UGDH: variants seen among roughly 807,000 people sequenced by gnomAD.
The protein encoded by UGDH is UDP-Glc dehydrogenase.
UGDH carries 38 observed loss-of-function variants against 50.6 expected under a neutral mutation model. The ratio of observed to expected loss-of-function variants is 0.75; its 90% CI spans 0.58 to 0.98. The LOEUF (loss-of-function observed/expected upper bound fraction) is 0.98. Ranked by LOEUF, UGDH falls within the 50% of genes least tolerant of loss-of-function variation. The pLI is 0.00. For synonymous variants in UGDH, 168 were observed against 199.9 expected, an observed-to-expected ratio of 0.84 and a Z score of 1.35; for missense variants, 465 against 606.2, an observed-to-expected ratio of 0.77 and a Z score of 2.45.
intron 3 of UGDH, among the ~76,000 whole-genome samples, chr4:39,511,825 T>C (rs1746258018): frequency 2.0e-5 from 3 of 151,114 alleles, no homozygotes; most frequent in African/African-American, 7.3e-5. Flanking sequence ...TTCTCCTGCC[T>C]CAGCCTCCTG....
At chr4:39,505,928 C>T (rs1237057067) in intron 7 of UGDH, among the ~76,000 whole-genome samples, 180 bp from the exon 8 acceptor site, 2 of 151,670 alleles carry the variant, frequency 1.3e-5, no homozygotes, top group African/African-American at 2.4e-5. Flanking sequence ...AATCACTCAT[C>T]CCCTTCCTTA....
chr4:39,508,574 A>T lies in UGDH; in HGVS notation c.898T>A (p.Trp300Arg). 1 of 1,611,448 alleles carries T rather than the reference A, an allele frequency of 6.2e-7. No individual in the cohort carries two copies. The highest frequency in any genetic ancestry group is 8.5e-7 in the Non-Finnish European group (1 of 1,179,204). Residue 300 changes from tryptophan (W) to arginine (R), a missense_variant, in exon 7 of 12, where the codon TGG becomes AGG. Transcript: ENST00000316423. ...ALNLPEVARY[W>R]QQVIDMNDYQ... ...CCTATAGAGATTAATACCTGCTGCC[A>T]ATAACGAGCTACTTCTGGCAAATTC...
At chr4:39,522,122 A>C (rs1284950514) in intron 1 of UGDH, among the ~76,000 whole-genome samples, 2 of 152,224 alleles carry the variant, frequency 1.3e-5, no homozygotes, top group Non-Finnish European at 2.9e-5. Context: ...GTTAAAGAAA[A>C]TGTAATTTCT....
Position 39,502,304 on chromosome 4 carries a change from A to G in UGDH, c.1374+1571T>C, listed in dbSNP as rs541596649. On this transcript the variant is annotated intron_variant, in intron 11 of 11. Coordinates refer to ENST00000316423, the MANE Select transcript of UGDH (RefSeq NM_003359.4). The stretch of plus-strand genomic sequence containing the variant: ...GTCTTGGATGGAAGAGTTCACAGAC[A>G]AGGATGCCATTTGATTCTTTCCACA... Among the ~76,000 whole-genome samples, 8 of 152,368 alleles carry G rather than the reference A, an allele frequency of 5.3e-5. No homozygotes were observed. In the East Asian group the frequency reaches 1.5e-3, roughly 29 times the overall value.
intron 3 of UGDH, among the ~76,000 whole-genome samples, chr4:39,512,386 G>T (rs1746278697): frequency 6.6e-6 from 1 of 152,150 alleles, no homozygotes; most frequent in East Asian, 1.9e-4. Context: ...TTGTTTACAT[G>T]CATGGAACAA....
intron 7 of UGDH, among the ~76,000 whole-genome samples, 156 bp from the exon 8 acceptor site, chr4:39,505,904 T>TAA (rs11290546): frequency 0.071 from 10,249 of 144,326 alleles, 411 homozygotes; most frequent in Middle Eastern, 0.16. Flanking sequence ...GCCTATGGAT[T>TAA]AAAAAAAAAA....
intron 2 of UGDH, among the ~76,000 whole-genome samples, chr4:39,515,806 T>C (rs1746418598): frequency 6.6e-6 from 1 of 152,134 alleles, no homozygotes; most frequent in Non-Finnish European, 1.5e-5. Flanking sequence ...TTCAAGTGAT[T>C]CTCGTGCCGC....
In UGDH at chr4:39,500,240, C is replaced by A; in HGVS notation, c.1388G>T (p.Gly463Val). 1 of 1,584,540 alleles carries A rather than the reference C, an allele frequency of 6.3e-7. No individual in the cohort carries two copies. The highest frequency in any genetic ancestry group is 1.2e-5 in the South Asian group (1 of 84,472). Residue 463 changes from glycine (G) to valine (V), a missense_variant, in exon 12 of 12, where the codon GGC (glycine) becomes GTC (valine). Coordinates refer to ENST00000316423, the MANE Select transcript of UGDH (RefSeq NM_003359.4). ...AATTCTCTTTGAAGACACCTTTTTGCCAATTGTTTCAATCTGAAAAAAAAA... is the reference window on the plus strand; with the variant it reads ...AATTCTCTTTGAAGACACCTTTTTGACAATTGTTTCAATCTGAAAAAAAAA... ...QTIGFQIETI[G>V]KKVSSKRIPY...
Position 39,510,552 on chromosome 4 carries a change from T to C in UGDH, c.466-2A>G. On this transcript the variant is annotated splice_acceptor_variant, in intron 4 of 11. Coordinates refer to ENST00000316423, the MANE Select transcript of UGDH (RefSeq NM_003359.4). LOFTEE classifies it high-confidence loss of function. ...CAGAAACTCAGGGTTGGACAGCACC[T>C]AGAATCCCAATGCAAAGGAAAGTTT... 3.1e-6 allele frequency: 5 copies of C among 1,614,166 alleles called. No individual in the cohort carries two copies. The highest frequency in any genetic ancestry group is 4.2e-6 in the Non-Finnish European group (5 of 1,180,010).
At chr4:39,524,257 G>A (rs762313945) in intron 1 of UGDH, among the ~76,000 whole-genome samples, 9 of 152,216 alleles carry the variant, frequency 5.9e-5, no homozygotes, top group South Asian at 2.1e-4. Flanking sequence ...GTGTCTACTC[G>A]TTGCAGCTCC....
chr4:39,525,512 C>CT (rs559859570), intron 1 of UGDH, among the ~76,000 whole-genome samples: 62,349 of 142,208 alleles, frequency 0.44, 13,833 homozygotes, highest in Middle Eastern at 0.45. Flanking sequence ...TTTTCTTTTT[C>CT]TTTTTTTTTT....
chr4:39,521,334 A>T lies in UGDH; in HGVS notation c.162+17T>A. ...AAGAAAAAAGCATAAAAACAAAGAGATGTTTAATATGTTTACCTCATAAAT... is the reference window on the plus strand; with the variant it reads ...AAGAAAAAAGCATAAAAACAAAGAGTTGTTTAATATGTTTACCTCATAAAT... On this transcript the variant is annotated intron_variant, in intron 2 of 11. Coordinates refer to ENST00000316423, the MANE Select transcript of UGDH (RefSeq NM_003359.4). The T allele has an allele frequency of 6.3e-7, 1 of 1,583,158 alleles. No individual in the cohort carries two copies. Among genetic ancestry groups the T allele is most frequent in the Non-Finnish European group, 8.6e-7 (1 of 1,165,674 alleles).
At chr4:39,502,566 C>A (rs1276182488) in intron 11 of UGDH, among the ~76,000 whole-genome samples, 1 of 152,076 alleles carries the variant, frequency 6.6e-6, no homozygotes, top group Non-Finnish European at 1.5e-5. Flanking sequence ...TTTTTATTCT[C>A]CCTAACTTAC....
chr4:39,521,904 T>C (rs1328119010), intron 1 of UGDH, among the ~76,000 whole-genome samples: 3 of 152,232 alleles, frequency 2.0e-5, no homozygotes, highest in Non-Finnish European at 4.4e-5. Flanking sequence ...CTTGTACGAT[T>C]CTTGCTTAAA....
Position 39,502,721 on chromosome 4 carries a change from G to C in UGDH, c.1374+1154C>G, listed in dbSNP as rs146818025. Reference sequence around the variant, plus strand: ...CTGTTCTGGGTGGAGGCTTCTGTCAGCTTTCCAAATGTTCCATAATTGACA... The same window carrying C: ...CTGTTCTGGGTGGAGGCTTCTGTCACCTTTCCAAATGTTCCATAATTGACA... On this transcript the variant is annotated intron_variant, in intron 11 of 11. Transcript: ENST00000316423. Among the ~76,000 whole-genome samples, 19 of 152,284 alleles carry C rather than the reference G, an allele frequency of 1.2e-4. No homozygotes were observed. In the East Asian group the frequency reaches 3.5e-3, roughly 28 times the overall value.
In UGDH at chr4:39,521,359, T is replaced by C. The variant is rs762867803; in HGVS notation, c.154A>G (p.Ile52Val). The stretch of plus-strand genomic sequence containing the variant: ...ATGTTTAATATGTTTACCTCATAAA[T>C]AGGAAGTGTAGGAGAATTCCACGCA... Reference protein sequence around the residue: ...INAWNSPTLPIYEPGLKEVVE... With the variant: ...INAWNSPTLPVYEPGLKEVVE... The change falls in exon 2 of 12, where the codon ATT becomes GTT. Residue 52 changes from isoleucine to valine, a missense_variant. Ile to Val is a conservative substitution (Grantham distance 29). Transcript: ENST00000316423. 1.2e-6 allele frequency: 2 copies of C among 1,603,454 alleles called. No homozygotes were observed. Among genetic ancestry groups the C allele is most frequent in the African/African-American group, 1.3e-5 (1 of 74,574 alleles).
At chr4:39,504,545 A>T (rs1467436305) in intron 9 of UGDH, 37 bp from the exon 10 acceptor site, 1 of 1,566,938 alleles carries the variant, frequency 6.4e-7, no homozygotes, top group Non-Finnish European at 8.7e-7. Context: ...CAGAAATAAG[A>T]AAGGAGTTAT....
At chr4:39,522,259 G>T (rs1746692791) in intron 1 of UGDH, among the ~76,000 whole-genome samples, 1 of 152,088 alleles carries the variant, frequency 6.6e-6, no homozygotes, top group Admixed American at 6.5e-5. Flanking sequence ...AAATGACAAG[G>T]AACTGATTTA....
At chr4:39,505,997 C>T (rs1746010721) in intron 7 of UGDH, among the ~76,000 whole-genome samples, 1 of 151,818 alleles carries the variant, frequency 6.6e-6, no homozygotes, top group African/African-American at 2.4e-5. Flanking sequence ...TTTGGGAGGC[C>T]GAGGTGGGCG....
Sources: gnomAD v4.1 joint callset for allele counts (sites outside exome capture counted in the v4.1 genomes callset) on GRCh38, gnomAD v4.1.1 for gene constraint, MANE v1.5 for transcripts, NCBI Gene and HGNC (gene_info 2026-07-23, HGNC 2026-07-21) for gene names.